The following ASB13 variants were observed in gnomAD, a reference collection of about 807,000 sequenced individuals.
ASB13 encodes the protein ankyrin repeat and SOCS box protein 13.
ASB13 carries 33 observed loss-of-function variants against 28.8 expected under a neutral mutation model. The ratio of observed to expected loss-of-function variants is 1.15; its 90% confidence interval spans 0.87 to 1.53. ASB13 has a LOEUF of 1.53. ASB13 is among the 40% of genes most tolerant of loss of function. The pLI, the probability that ASB13 is intolerant of heterozygous loss-of-function variation, is 0.00. For missense variants in ASB13, 414 were observed against 390.1 expected (o/e 1.06, Z -0.52); for synonymous variants, 182 against 172.9 (o/e 1.05, Z -0.41).
chr10:5,664,103 GA>G lies in ASB13; in HGVS notation c.43+2405del, dbSNP rs2131460617. ...TGGTGCAGTGGCTAACCAGGATACA[GA>G]AGGCGGGCTTGGCACCCGGGGTTGG... On this transcript the variant is annotated intron_variant, in intron 1 of 5. Coordinates refer to ENST00000357700, the MANE Select transcript of ASB13 (RefSeq NM_024701.4). The surrounding 1 kb of genome is among the most constrained non-coding windows in gnomAD (Gnocchi z 4.2). Among the ~76,000 whole-genome samples, 1 of 152,310 alleles carries G rather than the reference GA, an allele frequency of 6.6e-6. No individual in the cohort carries two copies. The highest frequency in any genetic ancestry group is 2.4e-5 in the African/African-American group (1 of 41,554).
chr10:5,641,803 T>G lies in ASB13; in HGVS notation c.676A>C (p.Ser226Arg). The G allele has an allele frequency of 6.2e-7, 1 of 1,609,176 alleles. No individual in the cohort carries two copies. The highest frequency in any genetic ancestry group is 8.5e-7 in the Non-Finnish European group (1 of 1,177,934). ...TACTCGAAGCACTTGGCGGGAGCGC[T>G]GCTGCTCCACGTGTAGTCAGACGGC... is the stretch of plus-strand genomic sequence containing the variant. The part of the protein sequence containing the change: ...KKPSDYTWSS[S>R]APAKCFEYYE... Residue 226 changes from serine (S) to arginine (R), a missense_variant, in exon 5 of 6, where the codon AGC becomes CGC. Ser to Arg is a moderately radical substitution (Grantham distance 110, BLOSUM62 -1). Coordinates refer to ENST00000357700, the MANE Select transcript of ASB13 (RefSeq NM_024701.4). This position sits in a 1 kb window ranked among gnomAD's most constrained non-coding sequence, Gnocchi z 8.4.
Position 5,648,911 on chromosome 10 carries a change from C to A in ASB13, c.517+59G>T, listed in dbSNP as rs1834937533. ...TTGGGCAAACACCCACGCAGGTAAACACCCGCTCGGGCAAACACCCACTCA... is the reference window on the plus strand; with the variant it reads ...TTGGGCAAACACCCACGCAGGTAAAAACCCGCTCGGGCAAACACCCACTCA... On this transcript the variant is annotated intron_variant, in intron 4 of 5. Coordinates refer to ENST00000357700, the MANE Select transcript of ASB13 (RefSeq NM_024701.4). 3 of 1,600,030 alleles carry A rather than the reference C, an allele frequency of 1.9e-6. No homozygotes were observed. The East Asian group carries it at 6.7e-5, about 36-fold the overall frequency.
rs886210420 is a variant in ASB13 at position 5,652,244 on chromosome 10, G to A, written c.231+619C>T. Among the ~76,000 whole-genome samples the A allele has an allele frequency of 6.6e-6, 1 of 152,150 alleles. No individual in the cohort carries two copies. Among genetic ancestry groups the A allele is most frequent in the Non-Finnish European group, 1.5e-5 (1 of 68,034 alleles). ...GTTCCATTCCAACCTTTTGGGAAGA[G>A]TAAACAGTACACTGTCTTCCCTTCT... On this transcript the variant is annotated intron_variant, in intron 2 of 5. Transcript: ENST00000357700. The surrounding 1 kb of genome is among the most constrained non-coding windows in gnomAD (Gnocchi z 5.0).
rs1245544681 is a variant in ASB13, at chr10:5,660,737, G to A, written c.43+5772C>T. On this transcript the variant is annotated intron_variant, in intron 1 of 5. Transcript: ENST00000357700. The surrounding 1 kb of genome is among the most constrained non-coding windows in gnomAD (Gnocchi z 6.1). ...GTGCGGGTTCTACCATCTCATCTTT[G>A]TTCCATAGCAAGCCCCCCAATCTTG... Among the ~76,000 whole-genome samples the A allele has an allele frequency of 6.6e-6, 1 of 152,152 alleles. No individual in the cohort carries two copies. The highest frequency in any genetic ancestry group is 1.5e-5 in the Non-Finnish European group (1 of 68,030).
rs965500500 is a variant in ASB13 at position 5,645,780 on chromosome 10, G to A, written c.517+3190C>T. On this transcript the variant is annotated intron_variant, in intron 4 of 5. Coordinates refer to ENST00000357700, the MANE Select transcript of ASB13 (RefSeq NM_024701.4). The surrounding 1 kb of genome is among the most constrained non-coding windows in gnomAD (Gnocchi z 5.4). ...CACTCTTCTGTTTTTCTAGAGACAC[G>A]GTCCCTGGCTTTCCTTTGGTTTCCC... 2.0e-5 allele frequency among the ~76,000 whole-genome samples: 3 copies of A among 152,106 alleles called. No homozygotes were observed. The highest frequency in any genetic ancestry group is 2.4e-5 in the African/African-American group (1 of 41,406).
chr10:5,654,232 G>A (rs1442006873), intron 1 of ASB13, among the ~76,000 whole-genome samples: 1 of 151,538 alleles, frequency 6.6e-6, no homozygotes, highest in African/African-American at 2.4e-5. Flanking sequence ...AGAGGTGAGG[G>A]AGAGTCTGCG....
At chr10:5,646,773 C>T (rs1485304917) in intron 4 of ASB13, among the ~76,000 whole-genome samples, 1 of 152,092 alleles carries the variant, frequency 6.6e-6, no homozygotes, top group Non-Finnish European at 1.5e-5. Flanking sequence ...GATCCCTTTC[C>T]CTACAACCAC....
chr10:5,660,537 C>T lies in ASB13; in HGVS notation c.43+5972G>A, dbSNP rs765685306. On this transcript the variant is annotated intron_variant, in intron 1 of 5. Coordinates refer to ENST00000357700, the MANE Select transcript of ASB13 (RefSeq NM_024701.4). The surrounding 1 kb of genome is among the most constrained non-coding windows in gnomAD (Gnocchi z 6.1). ...AACCACCCTGCTCGTGAGTTCAAAG[C>T]TCGTCTCACAGCTTACCCTCTCCAA... is the stretch of plus-strand genomic sequence containing the variant. Among the ~76,000 whole-genome samples the T allele has an allele frequency of 7.9e-5, 12 of 152,182 alleles. No individual in the cohort carries two copies. The highest frequency in any genetic ancestry group is 2.0e-4 in the Admixed American group (3 of 15,278).
At position 5,641,699 on chromosome 10, in the gene ASB13, A is replaced by G. The variant is rs1834809103; in HGVS notation, c.709+71T>C. The G allele has an allele frequency of 6.8e-7, 1 of 1,468,078 alleles. No homozygotes were observed. The highest frequency in any genetic ancestry group is 9.2e-7 in the Non-Finnish European group (1 of 1,088,772). 90.9% of individuals were successfully genotyped at this position (1,468,078 alleles called of 1,614,324 possible). A position where few individuals can be genotyped will look rare whatever the true frequency, so the allele number is the denominator to read the frequency against. On this transcript the variant is annotated intron_variant, in intron 5 of 5. Coordinates refer to ENST00000357700, the MANE Select transcript of ASB13 (RefSeq NM_024701.4). The surrounding 1 kb of genome is among the most constrained non-coding windows in gnomAD (Gnocchi z 8.4). ...AGCCCAGCTCTCCGCGGAAGCCCAC[A>G]GGGAGCCGGCACGTCAGGGGTCCAG...
Position 5,661,970 on chromosome 10 carries a change from G to C in ASB13, c.43+4539C>G, listed in dbSNP as rs1007620701. ...AGTAAGCATTCTTGAAATGGTGAGGGTGGGCCCTCCACCCTGACCCACCCA... is the reference window on the plus strand; with the variant it reads ...AGTAAGCATTCTTGAAATGGTGAGGCTGGGCCCTCCACCCTGACCCACCCA... On this transcript the variant is annotated intron_variant, in intron 1 of 5. Transcript: ENST00000357700. The surrounding 1 kb of genome is among the most constrained non-coding windows in gnomAD (Gnocchi z 4.9). 6.6e-6 allele frequency among the ~76,000 whole-genome samples: 1 copy of C among 152,138 alleles called. No homozygotes were observed. Among genetic ancestry groups the C allele is most frequent in the African/African-American group, 2.4e-5 (1 of 41,432 alleles).
In ASB13 at chr10:5,649,817, C is replaced by T. The variant is rs1026649389; in HGVS notation, c.383-713G>A. ...CTGGGATTACCAAGGGCATGAGCCA[C>T]AGCGCCCGGCCTCTCCTGCCTCTTA... On this transcript the variant is annotated intron_variant, in intron 3 of 5. Transcript: ENST00000357700. This position sits in a 1 kb window ranked among gnomAD's most constrained non-coding sequence, Gnocchi z 6.4. Among the ~76,000 whole-genome samples the T allele has an allele frequency of 4.6e-5, 7 of 152,100 alleles. No homozygotes were observed. Among genetic ancestry groups the T allele is most frequent in the Admixed American group, 6.5e-5 (1 of 15,282 alleles).
chr10:5,649,081 GA>G lies in ASB13; in HGVS notation c.405del (p.Ile137LeufsTer40), dbSNP rs1418140411. ...CMSGSSECVR[L>X]LIDVGANLEA... Reference sequence around the variant, plus strand: ...TCCAGATTGGCCCCGACGTCAATAAGAAGCCTCACACATTCGGAACTCCCTT... The same window carrying G: ...TCCAGATTGGCCCCGACGTCAATAAGAGCCTCACACATTCGGAACTCCCTT... On this transcript the variant is annotated frameshift_variant, in exon 4 of 6. Transcript: ENST00000357700. LOFTEE classifies it high-confidence loss of function. This position sits in a 1 kb window ranked among gnomAD's most constrained non-coding sequence, Gnocchi z 6.4. The G allele has an allele frequency of 1.2e-6, 2 of 1,614,222 alleles. No individual in the cohort carries two copies. Among genetic ancestry groups the G allele is most frequent in the Admixed American group, 1.7e-5 (1 of 60,030 alleles).
chr10:5,648,258 C>A (rs1810982672), intron 4 of ASB13, among the ~76,000 whole-genome samples: 1 of 150,918 alleles, frequency 6.6e-6, no homozygotes, highest in South Asian at 2.1e-4. Context: ...CAGGTAAACA[C>A]CCACTCAGGT....
rs1835168266 is a variant in ASB13, at chr10:5,661,644, G to A, written c.43+4865C>T. 6.6e-6 allele frequency among the ~76,000 whole-genome samples: 1 copy of A among 152,078 alleles called. No individual in the cohort carries two copies. The highest frequency in any genetic ancestry group is 1.5e-5 in the Non-Finnish European group (1 of 68,004). On this transcript the variant is annotated intron_variant, in intron 1 of 5. Coordinates refer to ENST00000357700, the MANE Select transcript of ASB13 (RefSeq NM_024701.4). This position sits in a 1 kb window ranked among gnomAD's most constrained non-coding sequence, Gnocchi z 4.9. ...CAAGTAGCTGGGACTACAGGCCCAT[G>A]CACCACCACCACACTGGATAATTTT...
Position 5,645,465 on chromosome 10 carries a change from C to A in ASB13, c.518-3504G>T, listed in dbSNP as rs1834870908. Among the ~76,000 whole-genome samples the A allele has an allele frequency of 6.6e-6, 1 of 152,184 alleles. No individual in the cohort carries two copies. Among genetic ancestry groups the A allele is most frequent in the Non-Finnish European group, 1.5e-5 (1 of 68,028 alleles). On this transcript the variant is annotated intron_variant, in intron 4 of 5. Coordinates refer to ENST00000357700, the MANE Select transcript of ASB13 (RefSeq NM_024701.4). The surrounding 1 kb of genome is among the most constrained non-coding windows in gnomAD (Gnocchi z 5.4). ...ACCATCATAACCGGACTTTCACCCT[C>A]CCCAGCCCTCCTCCTTTGCAAATAC...
intron 4 of ASB13, among the ~76,000 whole-genome samples, chr10:5,646,023 C>T (rs1344705636): frequency 1.3e-5 from 2 of 152,204 alleles, no homozygotes; most frequent in South Asian, 2.1e-4. Context: ...AGGAATCCCG[C>T]GTGGAGCTGA....
intron 1 of ASB13, among the ~76,000 whole-genome samples, chr10:5,662,864 G>GAT (rs1835198740): frequency 6.6e-6 from 1 of 152,146 alleles, no homozygotes; most frequent in Non-Finnish European, 1.5e-5. Context: ...CTAACGCATG[G>GAT]CACTTAACCA....
Position 5,663,468 on chromosome 10 carries a change from G to A in ASB13, c.43+3041C>T, listed in dbSNP as rs1184640278. ...TCCACCCCAAAGGCTATGGCCCAGG[G>A]AGCATGGGGAGGGTCCCCCAGTCCC... On this transcript the variant is annotated intron_variant, in intron 1 of 5. Coordinates refer to ENST00000357700, the MANE Select transcript of ASB13 (RefSeq NM_024701.4). The surrounding 1 kb of genome is among the most constrained non-coding windows in gnomAD (Gnocchi z 4.9). Among the ~76,000 whole-genome samples the A allele has an allele frequency of 6.6e-6, 1 of 152,142 alleles. No homozygotes were observed. Among genetic ancestry groups the A allele is most frequent in the Non-Finnish European group, 1.5e-5 (1 of 68,012 alleles).
chr10:5,663,011 A>C lies in ASB13; in HGVS notation c.43+3498T>G, dbSNP rs542440369. On this transcript the variant is annotated intron_variant, in intron 1 of 5. Transcript: ENST00000357700. This position sits in a 1 kb window ranked among gnomAD's most constrained non-coding sequence, Gnocchi z 4.9. ...TCTGGGCTCAGTGTTTTGTTGCTACAGTGATATTTTTCAACCATGTCTTTT... is the reference window on the plus strand; with the variant it reads ...TCTGGGCTCAGTGTTTTGTTGCTACCGTGATATTTTTCAACCATGTCTTTT... 6.6e-6 allele frequency among the ~76,000 whole-genome samples: 1 copy of C among 152,344 alleles called. No homozygotes were observed. The highest frequency in any genetic ancestry group is 2.1e-4 in the South Asian group (1 of 4,828).
Sources: allele counts gnomAD v4.1 joint callset (sites outside exome capture counted in the v4.1 genomes callset), GRCh38; gene constraint gnomAD v4.1.1; non-coding constraint Gnocchi (gnomAD v3.1); transcripts MANE v1.5; gene names NCBI Gene and HGNC (gene_info 2026-07-23, HGNC 2026-07-21).